The following IFNAR2 variants were observed in gnomAD, a reference collection of about 807,000 sequenced individuals.
IFNAR2 encodes interferon alpha/beta receptor 2.
Under a neutral mutation model 49.4 loss-of-function variants are expected in IFNAR2, and 30 were observed. The ratio of observed to expected loss-of-function variants is 0.61; its 90% CI spans 0.45 to 0.82. The LOEUF is 0.82. Among genes scored for constraint, IFNAR2 ranks in the 40% least tolerant of loss-of-function variants. The pLI, the probability that IFNAR2 is intolerant of heterozygous loss-of-function variation, is 0.00. For missense variants in IFNAR2, 600 were observed against 622.7 expected, an observed-to-expected ratio of 0.96 and a Z score of 0.39; for synonymous variants, 224 against 234.5, an observed-to-expected ratio of 0.96 and a Z score of 0.41.
chr21:33,264,619 T>G lies in IFNAR2; in HGVS notation c.*1119T>G, dbSNP rs2123549547. ...ACAATTTTCAGAGTGCTCTCTATGC[T>G]GATTCCGAGTCGAGTGTGTCAGCTG... On this transcript the variant is annotated 3_prime_UTR_variant, in exon 9 of 9. Transcript: ENST00000342136. 1 of 151,528 alleles carries G rather than the reference T, an allele frequency of 6.6e-6. No individual in the cohort carries two copies. Among genetic ancestry groups the G allele is most frequent in the East Asian group, 1.9e-4 (1 of 5,154 alleles). The allele number at this position is 151,528 out of a possible 1,614,324, so 9.4% of individuals were successfully genotyped here.
chr21:33,229,970 C>T lies in IFNAR2; in HGVS notation c.-330C>T. On this transcript the variant is annotated 5_prime_UTR_variant, in exon 1 of 9. Coordinates refer to ENST00000342136, the MANE Select transcript of IFNAR2 (RefSeq NM_001289125.3). The stretch of plus-strand genomic sequence containing the variant: ...TCCTCGTAGGCCGGGGCTCGGCGCG[C>T]GCACCCGCACTAAAGACGCTTCTTC... 2.0e-6 allele frequency: 2 copies of T among 984,284 alleles called. No individual in the cohort carries two copies. Among genetic ancestry groups the T allele is most frequent in the Non-Finnish European group, 2.4e-6 (2 of 829,586 alleles). The allele number at this position is 984,284 out of a possible 1,614,324, so 61.0% of individuals were successfully genotyped here. A position where few individuals can be genotyped will look rare whatever the true frequency, so the allele number is the denominator to read the frequency against.
intron 6 of IFNAR2, 110 bp downstream of exon 6, chr21:33,248,964 C>T (rs771128342): frequency 1.3e-6 from 1 of 785,498 alleles, no homozygotes; most frequent in Non-Finnish European, 2.0e-6. Context: ...GCTAAAACGT[C>T]AGGCTTCAGT....
intron 4 of IFNAR2, among the ~76,000 whole-genome samples, chr21:33,246,284 A>C (rs991914070): frequency 1.1e-4 from 17 of 152,070 alleles, no homozygotes; most frequent in African/African-American, 2.9e-4. Flanking sequence ...GTTAGCCAGG[A>C]TGGTCTCAAT....
intron 6 of IFNAR2, among the ~76,000 whole-genome samples, chr21:33,249,776 GAGAGATAATC>G (rs1361920117): frequency 1.3e-5 from 2 of 152,214 alleles, no homozygotes; most frequent in African/African-American, 4.8e-5. Flanking sequence ...AGACCAGCCT[GAGAGATAATC>G]AGGGTAGATG....
chr21:33,233,784 G>C (rs1370199320), intron 1 of IFNAR2, among the ~76,000 whole-genome samples: 2 of 152,044 alleles, frequency 1.3e-5, no homozygotes, highest in Non-Finnish European at 2.9e-5. Context: ...AAGAACTTAA[G>C]AGTAGAGAAA....
intron 1 of IFNAR2, among the ~76,000 whole-genome samples, chr21:33,231,983 A>G (rs544659653): frequency 6.6e-6 from 1 of 152,284 alleles, no homozygotes; most frequent in East Asian, 1.9e-4. Context: ...CAAATGATCC[A>G]CCTGCTTTGG....
At chr21:33,244,402 G>C (rs1211912009) in intron 3 of IFNAR2, among the ~76,000 whole-genome samples, 1 of 152,138 alleles carries the variant, frequency 6.6e-6, no homozygotes, top group African/African-American at 2.4e-5. Context: ...CAGCATTGTT[G>C]TGGGGCTTAA....
At position 33,251,773 on chromosome 21, in the gene IFNAR2, A is replaced by G. The variant is rs1761801363; in HGVS notation, c.541-889A>G. On this transcript the variant is annotated intron_variant, in intron 6 of 8. Transcript: ENST00000342136. Reference sequence around the variant, plus strand: ...CTGAAGTGAAATGCAACTACAGGAAAGAAGAGGCAAGGTGTTTAAAGGGAG... The same window carrying G: ...CTGAAGTGAAATGCAACTACAGGAAGGAAGAGGCAAGGTGTTTAAAGGGAG... The G allele has an allele frequency of 1.0e-5, 10 of 985,352 alleles. No individual in the cohort carries two copies. In the Middle Eastern group the frequency reaches 1.6e-3, roughly 154 times the overall value. 61.0% of individuals were successfully genotyped at this position (985,352 alleles called of 1,614,324 possible).
chr21:33,255,461 TCA>T (rs956651337), intron 7 of IFNAR2, among the ~76,000 whole-genome samples: 2 of 152,208 alleles, frequency 1.3e-5, no homozygotes, highest in African/African-American at 2.4e-5. Context: ...CTAAAATGAC[TCA>T]CAGAACTCAG....
chr21:33,263,627 C>T lies in IFNAR2; in HGVS notation c.*127C>T. 1.2e-6 allele frequency: 1 copy of T among 859,164 alleles called. No homozygotes were observed. Among genetic ancestry groups the T allele is most frequent in the Non-Finnish European group, 1.8e-6 (1 of 571,426 alleles). The allele number at this position is 859,164 out of a possible 1,614,324, so 53.2% of individuals were successfully genotyped here. On this transcript the variant is annotated 3_prime_UTR_variant, in exon 9 of 9. Transcript: ENST00000342136. The stretch of plus-strand genomic sequence containing the variant: ...GAAGGAGGAGGAAACTGTGGTGTTC[C>T]TTTCTTCCAGGTGACATCACCTATG...
chr21:33,244,702 C>T (rs1987257043), intron 3 of IFNAR2, among the ~76,000 whole-genome samples: 1 of 152,180 alleles, frequency 6.6e-6, no homozygotes, highest in Non-Finnish European at 1.5e-5. Flanking sequence ...CCCTTCTGTC[C>T]AGACTCTCCT....
rs756571542 is a variant in IFNAR2, at chr21:33,262,905, A to G, written c.953A>G (p.Tyr318Cys). 6.2e-7 allele frequency: 1 copy of G among 1,614,106 alleles called. No homozygotes were observed. The highest frequency in any genetic ancestry group is 8.5e-7 in the Non-Finnish European group (1 of 1,180,018). The change falls in exon 9 of 9, where the codon TAT becomes TGT. Residue 318 changes from tyrosine to cysteine, a missense_variant. Tyr to Cys is a radical substitution (Grantham distance 194). Coordinates refer to ENST00000342136, the MANE Select transcript of IFNAR2 (RefSeq NM_001289125.3). ...AAGAAGAAAGTGTGGGATTATAATT[A>G]TGATGATGAAAGTGATAGCGATACT... The part of the protein sequence containing the change: ...NRKKKVWDYN[Y>C]DDESDSDTEA...
At chr21:33,249,120 G>T (rs1325641694) in intron 6 of IFNAR2, among the ~76,000 whole-genome samples, 4 of 152,186 alleles carry the variant, frequency 2.6e-5, no homozygotes, top group African/African-American at 9.6e-5. Flanking sequence ...GAGGCGGGCA[G>T]ATCATCTAAG....
At chr21:33,261,904 AAAG>A (rs1988592218) in intron 8 of IFNAR2, among the ~76,000 whole-genome samples, 1 of 152,160 alleles carries the variant, frequency 6.6e-6, no homozygotes, top group Admixed American at 6.6e-5. Flanking sequence ...TTAAAAATAT[AAAG>A]AAGCAGCCAA....
intron 1 of IFNAR2, among the ~76,000 whole-genome samples, chr21:33,235,518 A>G (rs1367935614): frequency 6.6e-6 from 1 of 152,228 alleles, no homozygotes; most frequent in Non-Finnish European, 1.5e-5. Context: ...CCCAGAGCCA[A>G]ATAAAAATGC....
rs1039974300 is a variant in IFNAR2 at position 33,244,951 on chromosome 21, A to G, written c.98A>G (p.Asp33Gly). The G allele has an allele frequency of 1.9e-6, 3 of 1,613,614 alleles. No homozygotes were observed. The highest frequency in any genetic ancestry group is 8.5e-7 in the Non-Finnish European group (1 of 1,179,598). ...ATGCCCTTTTTCTTCTTCTCTTTAG[A>G]TTACACAGATGAATCTTGCACTTTC... The part of the protein sequence containing the change: ...LVFGISYDSP[D>G]YTDESCTFKI... Residue 33 changes from aspartate (D) to glycine (G), a missense_variant and splice_region_variant, in exon 4 of 9, where the codon GAT (aspartate) becomes GGT (glycine). Coordinates refer to ENST00000342136, the MANE Select transcript of IFNAR2 (RefSeq NM_001289125.3).
chr21:33,241,060 G>A (rs1461335133), intron 1 of IFNAR2, among the ~76,000 whole-genome samples: 1 of 152,116 alleles, frequency 6.6e-6, no homozygotes, highest in Non-Finnish European at 1.5e-5. Context: ...TGGGTGTGGG[G>A]AGTTAAGGAA....
chr21:33,233,192 A>G (rs375427936), intron 1 of IFNAR2, among the ~76,000 whole-genome samples: 7 of 152,220 alleles, frequency 4.6e-5, no homozygotes, highest in African/African-American at 1.2e-4. Context: ...GAACAGAAGC[A>G]ATACTGCTGA....
At position 33,246,795 on chromosome 21, in the gene IFNAR2, G is replaced by A. The variant is rs1987446937; in HGVS notation, c.299G>A (p.Arg100Lys). The part of the protein sequence containing the change: ...RSFCDLTDEW[R>K]STHEAYVTVL... ...TTTTGTGACCTCACAGATGAGTGGA[G>A]AAGCACACACGAGGCCTATGTCACC... The change falls in exon 5 of 9, where the codon AGA (arginine) becomes AAA (lysine). Residue 100 changes from arginine to lysine, a missense_variant. By Grantham distance (26) the Arg-to-Lys change is conservative (BLOSUM62 2). Coordinates refer to ENST00000342136, the MANE Select transcript of IFNAR2 (RefSeq NM_001289125.3). 1 of 1,613,768 alleles carries A rather than the reference G, an allele frequency of 6.2e-7. No homozygotes were observed.
Sources: allele counts gnomAD v4.1 joint callset (sites outside exome capture counted in the v4.1 genomes callset), GRCh38; gene constraint gnomAD v4.1.1; transcripts MANE v1.5; gene names NCBI Gene and HGNC (gene_info 2026-07-23, HGNC 2026-07-21).